TLN2: variants seen among roughly 807,000 people sequenced by gnomAD.
The protein encoded by TLN2 is talin 2.
In TLN2, 118 loss-of-function variants were observed where a neutral mutation model predicts 294.7. The observed-to-expected ratio is 0.40, with a 90% CI of 0.34 to 0.47. The LOEUF (loss-of-function observed/expected upper bound fraction) is 0.47. Among genes scored for constraint, TLN2 ranks in the 20% least tolerant of loss-of-function variants. TLN2 has a pLI of 0.84. For missense variants in TLN2, 3,083 were observed against 3,282.2 expected, an observed-to-expected ratio of 0.94 and a Z score of 1.48; for synonymous variants, 1,431 against 1,304.5, an observed-to-expected ratio of 1.10 and a Z score of -2.09.
intron 26 of TLN2, among the ~76,000 whole-genome samples, chr15:62,723,474 G>A (rs2060263770): frequency 6.6e-6 from 1 of 151,274 alleles, no homozygotes; most frequent in African/African-American, 2.4e-5. Context: ...CTCGAAAGCA[G>A]TGACCCCTAA....
intron 1 of TLN2, among the ~76,000 whole-genome samples, chr15:62,574,173 ATT>A (rs113648407): frequency 6.9e-6 from 1 of 144,974 alleles, no homozygotes; most frequent in African/African-American, 2.5e-5. Context: ...CTGTCACTTC[ATT>A]TTTTTTTTTG....
At chr15:62,621,534 C>G (rs1395048314) in intron 3 of TLN2, among the ~76,000 whole-genome samples, 2 of 152,156 alleles carry the variant, frequency 1.3e-5, no homozygotes, top group Admixed American at 1.3e-4. Context: ...CAAATGTGTA[C>G]TAGAAGTTTA....
intron 44 of TLN2, among the ~76,000 whole-genome samples, chr15:62,783,534 G>A (rs72757744): frequency 0.016 from 2,402 of 152,356 alleles, 33 homozygotes; most frequent in Middle Eastern, 0.034. Context: ...AGAATCTGTG[G>A]CCTGAGCGGG....
At chr15:62,464,175 C>A (rs1194935) in intron 1 of TLN2, among the ~76,000 whole-genome samples, 146,122 of 152,292 alleles carry the variant, frequency 0.96, 70,396 homozygotes, top group East Asian at 1. Context: ...AACCAACCCA[C>A]ATGTCTATCA....
chr15:62,523,796 TGTG>T (rs1283596497), intron 1 of TLN2, among the ~76,000 whole-genome samples: 1 of 152,240 alleles, frequency 6.6e-6, no homozygotes, highest in Non-Finnish European at 1.5e-5. Flanking sequence ...GAGGCAGTGT[TGTG>T]TGGGCCACTT....
intron 1 of TLN2, among the ~76,000 whole-genome samples, chr15:62,428,566 G>A (rs1002916590): frequency 3.3e-5 from 5 of 152,358 alleles, no homozygotes; most frequent in Middle Eastern, 3.4e-3. Flanking sequence ...TGCCCGGTGT[G>A]TCTGGAGTGG....
intron 58 of TLN2, among the ~76,000 whole-genome samples, chr15:62,839,891 A>C (rs1478474165): frequency 1.3e-5 from 2 of 152,246 alleles, no homozygotes; most frequent in African/African-American, 4.8e-5. Flanking sequence ...TAGCCTAGTC[A>C]AGGCTCTGGA....
chr15:62,408,171 C>T (rs1281903856), intron 1 of TLN2, among the ~76,000 whole-genome samples: 1 of 151,310 alleles, frequency 6.6e-6, no homozygotes, highest in African/African-American at 2.5e-5. Context: ...AGTGGAGTGG[C>T]GGGTGGGAGG....
chr15:62,649,563 G>A (rs1256989438), intron 4 of TLN2, among the ~76,000 whole-genome samples: 1 of 152,050 alleles, frequency 6.6e-6, no homozygotes, highest in Non-Finnish European at 1.5e-5. Context: ...GTTGGTGGTC[G>A]GGGTCAGAGG....
intron 19 of TLN2, 53 bp downstream of exon 19, chr15:62,702,917 G>T: frequency 6.6e-7 from 1 of 1,504,718 alleles, no homozygotes; most frequent in South Asian, 1.1e-5. Flanking sequence ...TGATGGTCTA[G>T]ACCCGAGCAG....
intron 1 of TLN2, among the ~76,000 whole-genome samples, chr15:62,463,019 G>C (rs1279869016): frequency 6.6e-6 from 1 of 152,144 alleles, no homozygotes; most frequent in Non-Finnish European, 1.5e-5. Flanking sequence ...TGGCCACGGG[G>C]GTACTTATTC....
At chr15:62,711,805 G>T in intron 21 of TLN2, 106 bp from the exon 22 acceptor site, 1 of 1,291,052 alleles carries the variant, frequency 7.7e-7, no homozygotes, top group South Asian at 1.8e-5. Context: ...CAGTTTTTTT[G>T]CTCCTGCTTA....
At chr15:62,531,603 G>A (rs1266248255) in intron 1 of TLN2, among the ~76,000 whole-genome samples, 2 of 152,120 alleles carry the variant, frequency 1.3e-5, no homozygotes, top group Non-Finnish European at 2.9e-5. Flanking sequence ...GAATATGTTA[G>A]CCTGATTTAA....
intron 1 of TLN2, among the ~76,000 whole-genome samples, chr15:62,455,746 G>C (rs573932024): frequency 6.6e-6 from 1 of 152,148 alleles, no homozygotes; most frequent in Admixed American, 6.5e-5. Context: ...TTTTGCCTCT[G>C]GGACTCCATA....
intron 1 of TLN2, among the ~76,000 whole-genome samples, chr15:62,515,357 T>C (rs1484431420): frequency 6.6e-6 from 1 of 152,224 alleles, no homozygotes. Flanking sequence ...CTATAATTTA[T>C]CCATTTTACT....
Position 62,698,810 on chromosome 15 carries a change from G to A in TLN2, c.1530G>A (p.Gln510=), listed in dbSNP as rs548947175. The stretch of plus-strand genomic sequence containing the variant: ...TCAACACAAGCATGCACGCCGTCCA[G>A]CAGGCCCAGGATGATCTCAGTGAGC... The part of the protein sequence containing the change: ...GTINTSMHAV[Q]QAQDDLSELD... The change falls in exon 16 of 59, where the codon CAG becomes CAA. Residue 510 remains glutamine, a synonymous_variant. Transcript: ENST00000636159. 2 of 1,612,760 alleles carry A rather than the reference G, an allele frequency of 1.2e-6. No individual in the cohort carries two copies. Among genetic ancestry groups the A allele is most frequent in the South Asian group, 2.2e-5 (2 of 91,076 alleles).
chr15:62,646,061 ACT>A (rs1036347130), intron 3 of TLN2, among the ~76,000 whole-genome samples: 5 of 152,342 alleles, frequency 3.3e-5, no homozygotes, highest in Non-Finnish European at 5.9e-5. Flanking sequence ...AAGGAAAAAC[ACT>A]GAGTTGTTGA....
At chr15:62,780,584 G>C (rs142230418) in intron 43 of TLN2, among the ~76,000 whole-genome samples, 48 of 152,300 alleles carry the variant, frequency 3.2e-4, no homozygotes, top group Middle Eastern at 3.4e-3. Context: ...CCTTCTCTCA[G>C]TTCCTATTGC....
At position 62,689,569 on chromosome 15, in the gene TLN2, A is replaced by G. The variant is rs999277453; in HGVS notation, c.1113+2773A>G. Among the ~76,000 whole-genome samples, 5 of 152,256 alleles carry G rather than the reference A, an allele frequency of 3.3e-5. No individual in the cohort carries two copies. In the South Asian group the frequency reaches 1.0e-3, roughly 32 times the overall value. On this transcript the variant is annotated intron_variant, in intron 12 of 58. Coordinates refer to ENST00000636159, the MANE Select transcript of TLN2 (RefSeq NM_015059.3). ...GCTATTTGTTAAGGGTACATCTGCT[A>G]GCAACAAATTGACTTTGTGTTTTTT... is the stretch of plus-strand genomic sequence containing the variant.
Sources: allele counts gnomAD v4.1 joint callset (sites outside exome capture counted in the v4.1 genomes callset), GRCh38; gene constraint gnomAD v4.1.1; transcripts MANE v1.5; gene names NCBI Gene and HGNC (gene_info 2026-07-23, HGNC 2026-07-21).